Variants in NOS1 observed in about 807,000 individuals in gnomAD.
NOS1 encodes NOS type I.
NOS1 carries 51 observed loss-of-function variants against 164.5 expected under a neutral mutation model. The observed-to-expected ratio is 0.31, with a 90% CI of 0.25 to 0.39. The LOEUF is 0.39. Ranked by LOEUF, NOS1 falls within the 10% of genes least tolerant of loss-of-function variation. NOS1 has a pLI of 1.00. For missense variants in NOS1, 1,362 were observed against 1,885.6 expected (o/e 0.72, Z 5.14); for synonymous variants, 719 against 745.8 (o/e 0.96, Z 0.59).
intron 20 of NOS1, among the ~76,000 whole-genome samples, chr12:117,237,662 G>A (rs975954243): frequency 7.0e-6 from 1 of 143,040 alleles, no homozygotes; most frequent in African/African-American, 2.6e-5. Context: ...ATTTGCTAAT[G>A]TCCAGCATTA....
chr12:117,311,526 G>A lies in NOS1; in HGVS notation c.792C>T (p.Asp264=), dbSNP rs1874432787. ...LGVENDRVFN[D]LWGKGNVPVV... ...CAGGCACATTGCCCTTCCCCCATAG[G>A]TCATTGAAGACTCGGTCGTTCTCCA... The change falls in exon 3 of 29, where the codon GAC becomes GAT. Residue 264 remains aspartate (D), a synonymous_variant. Coordinates refer to ENST00000317775, the MANE Select transcript of NOS1 (RefSeq NM_000620.5). 6.2e-7 allele frequency: 1 copy of A among 1,612,454 alleles called. No homozygotes were observed.
At position 117,208,197 on chromosome 12, in the gene NOS1, G is replaced by T; in HGVS notation, c.*7112C>A. On this transcript the variant is annotated 3_prime_UTR_variant, in exon 29 of 29. Transcript: ENST00000317775. ...ATGCAAACAAGCATAATAGGCTTTT[G>T]TTGAATCCCATAAAATTGGAAGATG... is the stretch of plus-strand genomic sequence containing the variant. The T allele has an allele frequency of 9.3e-7, 1 of 1,075,082 alleles. No individual in the cohort carries two copies. 66.6% of individuals were successfully genotyped at this position (1,075,082 alleles called of 1,614,324 possible). A position where few individuals can be genotyped will look rare whatever the true frequency, so the allele number is the denominator to read the frequency against.
chr12:117,236,732 G>A (rs976961995), intron 20 of NOS1, among the ~76,000 whole-genome samples: 1 of 152,194 alleles, frequency 6.6e-6, no homozygotes, highest in Non-Finnish European at 1.5e-5. Flanking sequence ...TGAAAGGCCC[G>A]CAAATCAATT....
chr12:117,271,605 T>C (rs1872796885), intron 10 of NOS1, among the ~76,000 whole-genome samples: 1 of 152,186 alleles, frequency 6.6e-6, no homozygotes, highest in Non-Finnish European at 1.5e-5. Flanking sequence ...ACAAACCTGA[T>C]GCTCGGTTCT....
intron 2 of NOS1, among the ~76,000 whole-genome samples, chr12:117,316,874 GT>G (rs1319282709): frequency 6.6e-6 from 1 of 152,126 alleles, no homozygotes; most frequent in African/African-American, 2.4e-5. Context: ...TAGTAACTCT[GT>G]TTTTTTATTA....
intron 3 of NOS1, among the ~76,000 whole-genome samples, chr12:117,300,753 T>G (rs1008827445): frequency 6.6e-6 from 1 of 152,044 alleles, no homozygotes; most frequent in Non-Finnish European, 1.5e-5. Flanking sequence ...CTAATTGAAG[T>G]AGGGGCAAAA....
chr12:117,285,392 G>T (rs930009380), intron 6 of NOS1, 60 bp from the exon 7 acceptor site: 22 of 1,144,866 alleles, frequency 1.9e-5, no homozygotes, highest in Middle Eastern at 4.7e-4. Context: ...CTCCCCCAGC[G>T]CAATCTTCCC....
chr12:117,208,915 G>T lies in NOS1; in HGVS notation c.*6394C>A. The stretch of plus-strand genomic sequence containing the variant: ...TTTTTGTATTTTTAGTAGAGACGAG[G>T]TTTTGCCATGTTAGCCAGGTTGGTC... On this transcript the variant is annotated 3_prime_UTR_variant, in exon 29 of 29. Coordinates refer to ENST00000317775, the MANE Select transcript of NOS1 (RefSeq NM_000620.5). 1.5e-6 allele frequency: 1 copy of T among 664,404 alleles called. No individual in the cohort carries two copies. Among genetic ancestry groups the T allele is most frequent in the Non-Finnish European group, 1.9e-6 (1 of 536,602 alleles). The allele number at this position is 664,404 out of a possible 1,614,324, so 41.2% of individuals were successfully genotyped here.
At chr12:117,278,541 G>A (rs1873364066) in intron 8 of NOS1, among the ~76,000 whole-genome samples, 1 of 152,070 alleles carries the variant, frequency 6.6e-6, no homozygotes, top group Admixed American at 6.5e-5. Context: ...GGTATTGTAA[G>A]ATACAAAGAA....
At chr12:117,262,125 C>T (rs1434848409) in intron 13 of NOS1, among the ~76,000 whole-genome samples, 5 of 152,194 alleles carry the variant, frequency 3.3e-5, no homozygotes, top group African/African-American at 1.2e-4. Flanking sequence ...GAAGACTTAG[C>T]TAAGGGGAAG....
At chr12:117,229,490 T>C (rs1868998576) in intron 22 of NOS1, among the ~76,000 whole-genome samples, 1 of 151,032 alleles carries the variant, frequency 6.6e-6, no homozygotes, top group African/African-American at 2.4e-5. Flanking sequence ...AAATCCTTTC[T>C]CATTTAATCC....
At chr12:117,326,392 AAAAAAAAAACAAAAAAAC>A (rs1875251141) in intron 2 of NOS1, among the ~76,000 whole-genome samples, 1 of 8,250 alleles carries the variant, frequency 1.2e-4, no homozygotes. Context: ...TCTCAAAAAA[AAAAAAAAAACAAAAAAAC>A]AAAAACAAAA....
Position 117,272,469 on chromosome 12 carries a change from G to A in NOS1, c.1755C>T (p.Ser585=), listed in dbSNP as rs756897335. 22 of 1,614,036 alleles carry A rather than the reference G, an allele frequency of 1.4e-5. No individual in the cohort carries two copies. In the East Asian group the frequency reaches 1.8e-4, roughly 13 times the overall value. The stretch of plus-strand genomic sequence containing the variant: ...TGTACCAGCCACTGAAGGGACAGGC[G>A]CTGAACTCCAGGCCGCCAATCTCTA... ...MLLEIGGLEF[S]ACPFSGWYMG... The change falls in exon 10 of 29, where the codon AGC becomes AGT. Residue 585 remains serine, a synonymous_variant. Transcript: ENST00000317775. This position sits in a 1 kb window ranked among gnomAD's most constrained non-coding sequence, Gnocchi z 4.3.
chr12:117,225,086 A>G lies in NOS1; in HGVS notation c.3756T>C (p.Val1252=). The G allele has an allele frequency of 6.2e-7, 1 of 1,614,144 alleles. No homozygotes were observed. The highest frequency in any genetic ancestry group is 8.5e-7 in the Non-Finnish European group (1 of 1,180,024). ...AAGGGGCAATGCCGGTGCCTGGTCC[A>G]ACGAGGATGCAGGGGACTTGGGGGT... ...PRNPQVPCIL[V]GPGTGIAPFR... Residue 1252 remains valine, a synonymous_variant, in exon 25 of 29, where the codon GTT becomes GTC. Coordinates refer to ENST00000317775, the MANE Select transcript of NOS1 (RefSeq NM_000620.5).
rs1871250423 is a variant in NOS1, at chr12:117,253,706, T to C, written c.2580A>G (p.Gln860=). 6.2e-7 allele frequency: 1 copy of C among 1,613,980 alleles called. No individual in the cohort carries two copies. Among genetic ancestry groups the C allele is most frequent in the African/African-American group, 1.3e-5 (1 of 74,906 alleles). ...GGTCGGGCCCATCGCCTGATGATTT[T>C]TGGGAGTCAGAGTAGGAGGAGACGC... is the stretch of plus-strand genomic sequence containing the variant. ...FNSVSSYSDS[Q]KSSGDGPDLR... The change falls in exon 17 of 29, where the codon CAA becomes CAG. Residue 860 remains glutamine (Q), a synonymous_variant. Transcript: ENST00000317775.
Position 117,210,139 on chromosome 12 carries a change from ATTT to A in NOS1, c.*5167_*5169del, listed in dbSNP as rs146442744. 10,267 of 289,506 alleles carry A rather than the reference ATTT, an allele frequency of 0.035. 8 individuals are homozygous for A. The highest frequency in any genetic ancestry group is 0.041 in the Non-Finnish European group (8,524 of 206,478). The allele number at this position is 289,506 out of a possible 1,614,324, so 17.9% of individuals were successfully genotyped here. On this transcript the variant is annotated 3_prime_UTR_variant, in exon 29 of 29. Coordinates refer to ENST00000317775, the MANE Select transcript of NOS1 (RefSeq NM_000620.5). ...AGGAGCATGCCATCATGCCCAGCTAATTTTTTTTTTTTTTTTTTTTTAGTAGAG... is the reference window on the plus strand; with the variant it reads ...AGGAGCATGCCATCATGCCCAGCTAATTTTTTTTTTTTTTTTTTAGTAGAG...
rs1049360860 is a variant in NOS1, at chr12:117,212,332, A to G, written c.*2977T>C. 8.7e-5 allele frequency: 86 copies of G among 985,284 alleles called. No homozygotes were observed. Among genetic ancestry groups the G allele is most frequent in the Non-Finnish European group, 1.0e-4 (83 of 829,948 alleles). The allele number at this position is 985,284 out of a possible 1,614,324, so 61.0% of individuals were successfully genotyped here. A position where few individuals can be genotyped will look rare whatever the true frequency, so the allele number is the denominator to read the frequency against. On this transcript the variant is annotated 3_prime_UTR_variant, in exon 29 of 29. Transcript: ENST00000317775. ...CAGCCATCTGCACCAACAGGGGCAGAATTAGGATTTGCACTCAGGTCGGCT... is the reference window on the plus strand; with the variant it reads ...CAGCCATCTGCACCAACAGGGGCAGGATTAGGATTTGCACTCAGGTCGGCT...
In NOS1 at chr12:117,208,158, A is replaced by C; in HGVS notation, c.*7151T>G. ...CCAGCCAAGTTGAATCCACTTTTTA[A>C]TATTGTAACCATAATGCAAACAAGC... is the stretch of plus-strand genomic sequence containing the variant. On this transcript the variant is annotated 3_prime_UTR_variant, in exon 29 of 29. Transcript: ENST00000317775. 3 of 800,026 alleles carry C rather than the reference A, an allele frequency of 3.7e-6. No individual in the cohort carries two copies. Among genetic ancestry groups the C allele is most frequent in the Non-Finnish European group, 5.1e-6 (3 of 585,870 alleles). 49.6% of individuals were successfully genotyped at this position (800,026 alleles called of 1,614,324 possible).
In NOS1 at chr12:117,319,382, C is replaced by G. The variant is rs181860171; in HGVS notation, c.726-7790G>C. Among the ~76,000 whole-genome samples the G allele has an allele frequency of 1.6e-4, 24 of 152,366 alleles. No individual in the cohort carries two copies. In the East Asian group the frequency reaches 4.4e-3, roughly 28 times the overall value. ...ATGCTTTCAAGAGGAGGAATTCTAC[C>G]ATGAATGCCGCAGCTGGGAAGTGAG... is the stretch of plus-strand genomic sequence containing the variant. On this transcript the variant is annotated intron_variant, in intron 2 of 28. Coordinates refer to ENST00000317775, the MANE Select transcript of NOS1 (RefSeq NM_000620.5).
Sources: gnomAD v4.1 joint callset for allele counts (sites outside exome capture counted in the v4.1 genomes callset) on GRCh38, gnomAD v4.1.1 for gene constraint, Gnocchi (gnomAD v3.1) non-coding constraint, MANE v1.5 for transcripts, NCBI Gene and HGNC (gene_info 2026-07-23, HGNC 2026-07-21) for gene names.